Variants in GRIN3A observed in about 807,000 individuals in gnomAD.
GRIN3A encodes glutamate receptor ionotropic, NMDA 3A.
A neutral mutation model predicts 92.4 loss-of-function variants in GRIN3A; 47 were observed. The ratio of observed to expected loss-of-function variants is 0.51; its 90% CI spans 0.40 to 0.65. The LOEUF is 0.65. Among genes scored for constraint, GRIN3A ranks in the 30% least tolerant of loss-of-function variants. The pLI is 0.00. For missense variants in GRIN3A, 1,324 were observed against 1,393.1 expected, an observed-to-expected ratio of 0.95 and a Z score of 0.79; for synonymous variants, 527 against 540.6, an observed-to-expected ratio of 0.97 and a Z score of 0.35.
chr9:101,598,562 G>T (rs1828170508), intron 6 of GRIN3A, among the ~76,000 whole-genome samples: 1 of 152,088 alleles, frequency 6.6e-6, no homozygotes, highest in African/African-American at 2.4e-5. Context: ...ATGAAAAATG[G>T]GGCTAATAAT....
At chr9:101,733,655 A>G (rs999788361) in intron 1 of GRIN3A, among the ~76,000 whole-genome samples, 1 of 152,182 alleles carries the variant, frequency 6.6e-6, no homozygotes. Context: ...GCCATGCAAA[A>G]ATAGTGCTTT....
intron 3 of GRIN3A, among the ~76,000 whole-genome samples, chr9:101,634,062 G>A (rs898655165): frequency 6.6e-6 from 1 of 152,062 alleles, no homozygotes; most frequent in African/African-American, 2.4e-5. Flanking sequence ...GGCCGGGCAT[G>A]GTGGTTTACG....
At chr9:101,647,917 C>T (rs1028775101) in intron 3 of GRIN3A, among the ~76,000 whole-genome samples, 1 of 151,500 alleles carries the variant, frequency 6.6e-6, no homozygotes, top group African/African-American at 2.4e-5. Context: ...TTTTGTTTAC[C>T]TTTTCAAAAA....
intron 6 of GRIN3A, among the ~76,000 whole-genome samples, chr9:101,608,987 G>A (rs1828321708): frequency 2.0e-5 from 3 of 152,172 alleles, no homozygotes; most frequent in African/African-American, 7.2e-5. Context: ...TTCAAAGTCT[G>A]CAGAGTGAGA....
intron 1 of GRIN3A, among the ~76,000 whole-genome samples, chr9:101,709,093 C>A (rs1564149626): frequency 1.3e-5 from 2 of 151,872 alleles, no homozygotes; most frequent in African/African-American, 4.8e-5. Context: ...TATTCTAACT[C>A]TTTGTTTTTT....
At chr9:101,577,931 T>A in intron 7 of GRIN3A, 87 bp from the exon 8 acceptor site, 1 of 945,824 alleles carries the variant, frequency 1.1e-6, no homozygotes, top group Non-Finnish European at 1.7e-6. Flanking sequence ...TAACAGTATA[T>A]GTAGTCGTTA....
At chr9:101,688,196 C>A (rs1037723451) in intron 1 of GRIN3A, among the ~76,000 whole-genome samples, 1 of 152,204 alleles carries the variant, frequency 6.6e-6, no homozygotes, top group African/African-American at 2.4e-5. Flanking sequence ...AGTAAAATCT[C>A]AAGCCCTTGT....
At chr9:101,579,425 C>T in intron 6 of GRIN3A, 65 bp from the exon 7 acceptor site, 2 of 1,531,876 alleles carry the variant, frequency 1.3e-6, no homozygotes, top group East Asian at 2.3e-5. Context: ...TGCTTGTGTA[C>T]TCTTTGGTTT....
At chr9:101,575,650 C>T (rs961471814) in intron 8 of GRIN3A, among the ~76,000 whole-genome samples, 1 of 152,150 alleles carries the variant, frequency 6.6e-6, no homozygotes, top group Non-Finnish European at 1.5e-5. Flanking sequence ...CAAGCATTTC[C>T]TCAAACCCAT....
At chr9:101,685,075 T>A (rs2152867) in intron 2 of GRIN3A, among the ~76,000 whole-genome samples, 1 of 151,972 alleles carries the variant, frequency 6.6e-6, no homozygotes, top group African/African-American at 2.4e-5. Context: ...AAAGTTCAGA[T>A]GATGATAGAA....
At position 101,571,056 on chromosome 9, in the gene GRIN3A, G is replaced by A. The variant is rs1025178701; in HGVS notation, c.*2118C>T. ...CAGCATTCTTAGCTGGTACAAGTGG[G>A]TGGGGATGGCTAAGGGGCAAAATCT... On this transcript the variant is annotated 3_prime_UTR_variant, in exon 9 of 9. Transcript: ENST00000361820. The A allele has an allele frequency of 6.6e-6, 1 of 152,272 alleles. No individual in the cohort carries two copies. The highest frequency in any genetic ancestry group is 1.5e-5 in the Non-Finnish European group (1 of 68,124). 9.4% of individuals were successfully genotyped at this position (152,272 alleles called of 1,614,324 possible). A position where few individuals can be genotyped will look rare whatever the true frequency, so the allele number is the denominator to read the frequency against.
At position 101,641,302 on chromosome 9, in the gene GRIN3A, T is replaced by C. The variant is rs532273603; in HGVS notation, c.2353-12901A>G. Among the ~76,000 whole-genome samples the C allele has an allele frequency of 7.0e-3, 1,067 of 152,144 alleles. 4 individuals are homozygous for C. Among genetic ancestry groups the C allele is most frequent in the Non-Finnish European group, 0.011 (732 of 67,968 alleles). On this transcript the variant is annotated intron_variant, in intron 3 of 8. Transcript: ENST00000361820. Reference sequence around the variant, plus strand: ...CATTACTGGGTATATACCCAACGGATTATAAATCATGCTGCTATAAAGACA... The same window carrying C: ...CATTACTGGGTATATACCCAACGGACTATAAATCATGCTGCTATAAAGACA...
intron 3 of GRIN3A, among the ~76,000 whole-genome samples, chr9:101,653,828 A>T (rs1474792233): frequency 2.0e-5 from 3 of 151,756 alleles, no homozygotes. Flanking sequence ...CTATGCTAAA[A>T]CTCTATTGTA....
At position 101,613,386 on chromosome 9, in the gene GRIN3A, G is replaced by C. The variant is rs1828395140; in HGVS notation, c.2756C>G (p.Ala919Gly). Residue 919 changes from alanine to glycine, a missense_variant, in exon 6 of 9, where the codon GCT becomes GGT. Ala to Gly is a moderately conservative substitution (Grantham distance 60). Transcript: ENST00000361820. ...ACAGTCTTTCCATACCTCCGTGACA[G>C]CAAAACTTCTCTTGCCACAGGGAAC... ...RVVPCGKRSF[A>G]VTETLQMGIK... 6.2e-7 allele frequency: 1 copy of C among 1,614,010 alleles called. No homozygotes were observed. Among genetic ancestry groups the C allele is most frequent in the African/African-American group, 1.3e-5 (1 of 74,906 alleles).
chr9:101,670,023 G>C, intron 3 of GRIN3A, 37 bp downstream of exon 3: 1 of 1,406,152 alleles, frequency 7.1e-7, no homozygotes, highest in Non-Finnish European at 1.0e-6. Context: ...GAATTATAAT[G>C]GACAATCAAG....
chr9:101,669,081 C>T (rs1037819659), intron 3 of GRIN3A, among the ~76,000 whole-genome samples: 7 of 152,018 alleles, frequency 4.6e-5, no homozygotes, highest in Non-Finnish European at 2.9e-5. Flanking sequence ...CTGAATTGAA[C>T]CTTTCTCCAA....
At chr9:101,595,319 C>CT (rs35592131) in intron 6 of GRIN3A, among the ~76,000 whole-genome samples, 36,295 of 146,786 alleles carry the variant, frequency 0.25, 4,565 homozygotes, top group Non-Finnish European at 0.28. Context: ...CTACTTATTT[C>CT]TTTTTTTTTT....
intron 2 of GRIN3A, among the ~76,000 whole-genome samples, chr9:101,677,714 T>C (rs1196125868): frequency 6.6e-6 from 1 of 152,138 alleles, no homozygotes; most frequent in African/African-American, 2.4e-5. Context: ...TCTGCCTTCC[T>C]TTTATGATAA....
intron 6 of GRIN3A, chr9:101,592,275 A>G (rs1285744164): frequency 6.6e-6 from 1 of 152,244 alleles, no homozygotes; most frequent in Admixed American, 6.5e-5. Context: ...GTAGCTAAGA[A>G]CTAAGTAAGT....
Sources: gnomAD v4.1 joint callset for allele counts (sites outside exome capture counted in the v4.1 genomes callset) on GRCh38, gnomAD v4.1.1 for gene constraint, MANE v1.5 for transcripts, NCBI Gene and HGNC (gene_info 2026-07-23, HGNC 2026-07-21) for gene names.